Variants in ZNF106 observed in about 807,000 individuals in gnomAD.
ZNF106 encodes zinc finger protein 106, also known as SH3-domain binding protein 3.
A neutral mutation model predicts 195.1 loss-of-function variants in ZNF106; 67 were observed. The observed-to-expected ratio is 0.34, with a 90% CI of 0.28 to 0.42. ZNF106 has a LOEUF of 0.42. Ranked by LOEUF, ZNF106 falls within the 10% of genes least tolerant of loss-of-function variation. ZNF106 has a pLI of 1.00. For synonymous variants in ZNF106, 784 were observed against 818.6 expected (o/e 0.96, Z 0.72); for missense variants, 2,118 against 2,304.5 (o/e 0.92, Z 1.66).
At chr15:42,422,766 T>C in intron 17 of ZNF106, 146 bp from the exon 18 acceptor site, 2 of 755,558 alleles carry the variant, frequency 2.6e-6, no homozygotes, top group Non-Finnish European at 3.8e-6. Flanking sequence ...ACAAATACAG[T>C]TAATACAACT....
chr15:42,481,315 AC>A (rs2056893026), intron 1 of ZNF106, among the ~76,000 whole-genome samples: 1 of 150,048 alleles, frequency 6.7e-6, no homozygotes, highest in South Asian at 2.1e-4. Flanking sequence ...GAATTATCTG[AC>A]AATGTCTTTA....
intron 10 of ZNF106, among the ~76,000 whole-genome samples, chr15:42,440,958 G>T (rs2055478382): frequency 7.9e-6 from 1 of 127,324 alleles, no homozygotes; most frequent in Non-Finnish European, 1.6e-5. Flanking sequence ...ACACCAGCCT[G>T]GGCAACAAAA....
At chr15:42,437,486 G>A (rs2055326821) in intron 12 of ZNF106, 109 bp from the exon 13 acceptor site, 6 of 1,302,270 alleles carry the variant, frequency 4.6e-6, no homozygotes, top group Non-Finnish European at 6.2e-6. Flanking sequence ...ACCAAAAGTA[G>A]ATCCCTTAAA....
chr15:42,466,152 A>G, intron 2 of ZNF106, 38 bp from the exon 3 acceptor site: 1 of 1,412,220 alleles, frequency 7.1e-7, no homozygotes, highest in East Asian at 2.6e-5. Context: ...ACTAAGCAGG[A>G]TTGCTTTGAA....
intron 1 of ZNF106, among the ~76,000 whole-genome samples, chr15:42,484,364 C>T (rs2056965019): frequency 6.6e-6 from 1 of 152,110 alleles, no homozygotes; most frequent in South Asian, 2.1e-4. Flanking sequence ...TGTATATCAA[C>T]ATATAAATGC....
At chr15:42,473,366 C>A (rs1259875275) in intron 1 of ZNF106, among the ~76,000 whole-genome samples, 2 of 152,184 alleles carry the variant, frequency 1.3e-5, no homozygotes, top group Non-Finnish European at 2.9e-5. Context: ...GCTACAATAT[C>A]TGTTTCTCTC....
rs1278224583 is a variant in ZNF106 at position 42,412,836 on chromosome 15, GTACTT to G, written c.*4463_*4467del. On this transcript the variant is annotated 3_prime_UTR_variant, in exon 22 of 22. Coordinates refer to ENST00000564754, the MANE Select transcript of ZNF106 (RefSeq NM_001366845.3). ...GAAAGTAAACCGTCAATTAGTAAAA[GTACTT>G]TATTTTCCTCTTGTATTTGCTTTAT... 5.9e-5 allele frequency: 9 copies of G among 152,198 alleles called. No homozygotes were observed. Among genetic ancestry groups the G allele is most frequent in the African/African-American group, 2.2e-4 (9 of 41,438 alleles). 9.4% of individuals were successfully genotyped at this position (152,198 alleles called of 1,614,324 possible).
chr15:42,451,595 G>A lies in ZNF106; in HGVS notation c.677C>T (p.Ser226Phe), dbSNP rs143934010. 5.0e-6 allele frequency: 8 copies of A among 1,613,972 alleles called. No homozygotes were observed. In the African/African-American group the frequency reaches 1.1e-4, roughly 22 times the overall value. ...ACCTGTTCCTTCAGAAAGCCAACTG[G>A]AATTCCTTCCTGTACCATTATGATT... ...DWNHNGTGRN[S>F]SWLSEGTGGF... The change falls in exon 5 of 22, where the codon TCC (serine) becomes TTC (phenylalanine). Residue 226 changes from serine (S) to phenylalanine (F), a missense_variant. By Grantham distance (155) the Ser-to-Phe change is radical (BLOSUM62 -2). Transcript: ENST00000564754.
rs1567014683 is a variant in ZNF106 at position 42,448,238 on chromosome 15, T to C, written c.2969A>G (p.Asn990Ser). Reference sequence around the variant, plus strand: ...TCCATTACTCTCCTGGGAATTCTGATTCTCTGACGGTGGTATAGACCTCTC... The same window carrying C: ...TCCATTACTCTCCTGGGAATTCTGACTCTCTGACGGTGGTATAGACCTCTC... ...SQERSIPPSENQNSQESNGEG... is the reference protein window; with the variant it reads ...SQERSIPPSESQNSQESNGEG... Residue 990 changes from asparagine to serine, a missense_variant, in exon 6 of 22, where the codon AAT becomes AGT. By Grantham distance (46) the Asn-to-Ser change is conservative. Transcript: ENST00000564754. 2 of 1,614,222 alleles carry C rather than the reference T, an allele frequency of 1.2e-6. No individual in the cohort carries two copies.
chr15:42,424,710 G>T, intron 16 of ZNF106, 124 bp downstream of exon 16: 2 of 966,762 alleles, frequency 2.1e-6, no homozygotes, highest in Non-Finnish European at 3.0e-6. Context: ...GAACTTCTGA[G>T]CTCAAGCGAT....
In ZNF106 at chr15:42,415,395, T is replaced by C. The variant is rs1295602099; in HGVS notation, c.*1909A>G. The C allele has an allele frequency of 4.4e-6, 2 of 454,458 alleles. No homozygotes were observed. Among genetic ancestry groups the C allele is most frequent in the Admixed American group, 2.4e-5 (1 of 42,354 alleles). 28.2% of individuals were successfully genotyped at this position (454,458 alleles called of 1,614,324 possible). On this transcript the variant is annotated 3_prime_UTR_variant, in exon 22 of 22. Coordinates refer to ENST00000564754, the MANE Select transcript of ZNF106 (RefSeq NM_001366845.3). ...CCTCGGCCTCCCAAAGAGCTGGGAT[T>C]ACAGGTGTGAGCCACCAGGCCCGGC...
intron 14 of ZNF106, among the ~76,000 whole-genome samples, chr15:42,430,194 C>T (rs990220542): frequency 6.6e-6 from 1 of 152,030 alleles, no homozygotes; most frequent in Non-Finnish European, 1.5e-5. Flanking sequence ...AAAGACTACA[C>T]GTTAGAACCC....
chr15:42,442,587 G>A (rs1430249801), intron 9 of ZNF106, among the ~76,000 whole-genome samples, 173 bp from the exon 10 acceptor site: 1 of 150,508 alleles, frequency 6.6e-6, no homozygotes, highest in Non-Finnish European at 1.5e-5. Flanking sequence ...AACCACCAAG[G>A]ATACAGAGAG....
At chr15:42,477,701 C>T (rs2056813357) in intron 1 of ZNF106, among the ~76,000 whole-genome samples, 1 of 152,144 alleles carries the variant, frequency 6.6e-6, no homozygotes, top group Admixed American at 6.6e-5. Flanking sequence ...ACCAGCGTGA[C>T]CAACATGGTG....
chr15:42,417,466 C>T (rs2054501859), intron 21 of ZNF106, 106 bp from the exon 22 acceptor site: 1 of 1,344,906 alleles, frequency 7.4e-7, no homozygotes, highest in African/African-American at 1.5e-5. Context: ...AGGATCCAGA[C>T]AGGAAAGGCA....
Position 42,439,660 on chromosome 15 carries a change from T to G in ZNF106, c.3917A>C (p.Gln1306Pro). 3.7e-6 allele frequency: 6 copies of G among 1,613,992 alleles called. 1 individual carries two copies. Among genetic ancestry groups the G allele is most frequent in the Middle Eastern group, 3.3e-4 (2 of 6,062 alleles). Residue 1306 changes from glutamine (Q) to proline (P), a missense_variant, in exon 11 of 22, where the codon CAA becomes CCA. Gln to Pro is a moderately conservative substitution (Grantham distance 76, BLOSUM62 -1). Transcript: ENST00000564754. The part of the protein sequence containing the change: ...TRNRENSPSS[Q>P]SAGLSSINKE... Reference sequence around the variant, plus strand: ...ATTTATGCTAGAAAGACCAGCTGATTGGGAAGAGGGAGAGTTTTCTCTGTT... The same window carrying G: ...ATTTATGCTAGAAAGACCAGCTGATGGGGAAGAGGGAGAGTTTTCTCTGTT...
chr15:42,441,470 T>A (rs1444869239), intron 10 of ZNF106, among the ~76,000 whole-genome samples: 2 of 152,226 alleles, frequency 1.3e-5, no homozygotes, highest in African/African-American at 4.8e-5. Flanking sequence ...CAATGCCAGT[T>A]TGTTGGACTT....
At position 42,442,235 on chromosome 15, in the gene ZNF106, T is replaced by C; in HGVS notation, c.3601A>G (p.Ile1201Val). 6.2e-7 allele frequency: 1 copy of C among 1,614,130 alleles called. No individual in the cohort carries two copies. The highest frequency in any genetic ancestry group is 8.5e-7 in the Non-Finnish European group (1 of 1,180,026). Residue 1201 changes from isoleucine (I) to valine (V), a missense_variant, in exon 10 of 22, where the codon ATA becomes GTA. Ile to Val is a conservative substitution (Grantham distance 29). Coordinates refer to ENST00000564754, the MANE Select transcript of ZNF106 (RefSeq NM_001366845.3). ...GTTTGGAAAGTAGGAGACGTGGTTA[T>C]TTGAAGAGAGGCTCCGGTGGGTGAT... Reference protein sequence around the residue: ...SPSPTGASLQITTSPTFQTHG... With the variant: ...SPSPTGASLQVTTSPTFQTHG...
intron 1 of ZNF106, among the ~76,000 whole-genome samples, chr15:42,480,586 A>C (rs1336254487): frequency 6.6e-6 from 1 of 152,078 alleles, no homozygotes; most frequent in African/African-American, 2.4e-5. Context: ...TTTTTCTACT[A>C]GTTTTTTTTT....
Sources: gnomAD v4.1 joint callset for allele counts (sites outside exome capture counted in the v4.1 genomes callset) on GRCh38, gnomAD v4.1.1 for gene constraint, MANE v1.5 for transcripts, NCBI Gene and HGNC (gene_info 2026-07-23, HGNC 2026-07-21) for gene names.